The following SAMD4B variants were observed in gnomAD, a reference collection of about 807,000 sequenced individuals.
The protein encoded by SAMD4B is sterile alpha motif domain containing 4B.
In SAMD4B, 5 loss-of-function variants were observed where a neutral mutation model predicts 74.5. The ratio of observed to expected loss-of-function variants is 0.07; its 90% CI spans 0.04 to 0.14. The LOEUF (loss-of-function observed/expected upper bound fraction) is 0.14, where lower values mean the gene tolerates loss of function less well. SAMD4B is among the 10% of genes least tolerant of loss of function. The probability of loss-of-function intolerance (pLI) is 1.00; values close to 1 mark genes in which losing one functional copy is unlikely to be tolerated. For synonymous variants in SAMD4B, 373 were observed against 374.9 expected (o/e 1.00, Z 0.06); for missense variants, 608 against 921.8 (o/e 0.66, Z 4.41).
intron 3 of SAMD4B, among the ~76,000 whole-genome samples, chr19:39,367,669 C>T (rs575402647): frequency 2.6e-5 from 4 of 151,576 alleles, no homozygotes; most frequent in South Asian, 2.1e-4. Context: ...CCACCATGCC[C>T]GGTTAATTTT....
At chr19:39,353,026 A>G (rs1461652927) in intron 1 of SAMD4B, among the ~76,000 whole-genome samples, 1 of 152,216 alleles carries the variant, frequency 6.6e-6, no homozygotes, top group African/African-American at 2.4e-5. Flanking sequence ...TCCAGCAGCC[A>G]GGGAGCTTAT....
Position 39,356,783 on chromosome 19 carries a change from C to T in SAMD4B, c.-111C>T. ...CGTTGCCACCACGCCCAGAAACGTC[C>T]TTAAGCCCTGGCCCTCAGGGGAAAG... On this transcript the variant is annotated 5_prime_UTR_variant, in exon 3 of 14. Coordinates refer to ENST00000610417, the MANE Select transcript of SAMD4B (RefSeq NM_001384574.2). 1.1e-6 allele frequency: 1 copy of T among 927,556 alleles called. No homozygotes were observed. Among genetic ancestry groups the T allele is most frequent in the Non-Finnish European group, 1.6e-6 (1 of 630,682 alleles). 57.5% of individuals were successfully genotyped at this position (927,556 alleles called of 1,614,324 possible). A position where few individuals can be genotyped will look rare whatever the true frequency, so the allele number is the denominator to read the frequency against.
chr19:39,358,390 C>T (rs755143928), intron 3 of SAMD4B, among the ~76,000 whole-genome samples: 7 of 152,158 alleles, frequency 4.6e-5, no homozygotes, highest in Non-Finnish European at 1.0e-4. Context: ...CTGTGCCTCA[C>T]TTTCCTGCGC....
At chr19:39,371,555 G>A (rs1284039835) in intron 4 of SAMD4B, among the ~76,000 whole-genome samples, 4 of 152,152 alleles carry the variant, frequency 2.6e-5, no homozygotes, top group African/African-American at 7.2e-5. Flanking sequence ...GGTGGCTCAC[G>A]CCTGTAATCC....
At chr19:39,364,383 C>T (rs749869153) in intron 3 of SAMD4B, among the ~76,000 whole-genome samples, 8 of 152,144 alleles carry the variant, frequency 5.3e-5, no homozygotes, top group Non-Finnish European at 1.0e-4. Context: ...GGAAAACACC[C>T]GTCACTGAGC....
At chr19:39,377,452 G>A (rs1469481664) in intron 7 of SAMD4B, 33 bp from the exon 8 acceptor site, 6 of 1,509,946 alleles carry the variant, frequency 4.0e-6, no homozygotes, top group Middle Eastern at 1.8e-4. Context: ...TGTAGGGTCT[G>A]CATGTGACCC....
intron 3 of SAMD4B, among the ~76,000 whole-genome samples, chr19:39,364,511 A>G (rs1009808120): frequency 1.3e-5 from 2 of 152,250 alleles, no homozygotes; most frequent in African/African-American, 4.8e-5. Context: ...CATACTGCCC[A>G]GGCCACTGTG....
chr19:39,375,895 T>C lies in SAMD4B; in HGVS notation c.907+6T>C, dbSNP rs372112694. 24 of 1,601,892 alleles carry C rather than the reference T, an allele frequency of 1.5e-5. No homozygotes were observed. The highest frequency in any genetic ancestry group is 4.5e-5 in the East Asian group (2 of 44,764). Reference sequence around the variant, plus strand: ...GGATGGCAGTGGCATGAAAGGTACATTGGGGACAGCAGCACCAGGACCCTT... The same window carrying C: ...GGATGGCAGTGGCATGAAAGGTACACTGGGGACAGCAGCACCAGGACCCTT... On this transcript the variant is annotated splice_donor_region_variant and intron_variant, in intron 5 of 13. Coordinates refer to ENST00000610417, the MANE Select transcript of SAMD4B (RefSeq NM_001384574.2). This position sits in a 1 kb window ranked among gnomAD's most constrained non-coding sequence, Gnocchi z 4.1.
At chr19:39,364,901 A>G (rs1039214018) in intron 3 of SAMD4B, among the ~76,000 whole-genome samples, 1 of 152,148 alleles carries the variant, frequency 6.6e-6, no homozygotes, top group South Asian at 2.1e-4. Flanking sequence ...AAATCCAGGG[A>G]AGAAGAGAGA....
chr19:39,368,628 C>T (rs1402897267), intron 3 of SAMD4B, among the ~76,000 whole-genome samples: 1 of 152,130 alleles, frequency 6.6e-6, no homozygotes, highest in Non-Finnish European at 1.5e-5. Flanking sequence ...ACATGACATC[C>T]TGTTGTGATT....
At chr19:39,356,151 C>T (rs1005739903) in intron 2 of SAMD4B, among the ~76,000 whole-genome samples, 6 of 152,092 alleles carry the variant, frequency 3.9e-5, no homozygotes, top group Non-Finnish European at 7.4e-5. Context: ...GGTCACTACC[C>T]GACCATCCAT....
rs1272894440 is a variant in SAMD4B, at chr19:39,361,151, A to G, written c.196+4062A>G. On this transcript the variant is annotated intron_variant, in intron 3 of 13. Coordinates refer to ENST00000610417, the MANE Select transcript of SAMD4B (RefSeq NM_001384574.2). Reference sequence around the variant, plus strand: ...AAAGAAGACAGAGCCACAGCCAAGCATACTACTTTCTTTTGGGAGAGGCCC... The same window carrying G: ...AAAGAAGACAGAGCCACAGCCAAGCGTACTACTTTCTTTTGGGAGAGGCCC... Among the ~76,000 whole-genome samples, 16 of 152,188 alleles carry G rather than the reference A, an allele frequency of 1.1e-4. 1 individual carries two copies. The highest frequency in any genetic ancestry group is 1.0e-3 in the Admixed American group (16 of 15,280).
At chr19:39,354,506 A>G (rs1343385312) in intron 2 of SAMD4B, among the ~76,000 whole-genome samples, 1 of 152,118 alleles carries the variant, frequency 6.6e-6, no homozygotes, top group Non-Finnish European at 1.5e-5. Context: ...ATAGCTATTT[A>G]TTTATTCAAT....
chr19:39,385,931 AGAAAAGTGCT>A (rs1430794818), downstream of SAMD4B: 1 of 1,598,994 alleles, frequency 6.3e-7, no homozygotes, highest in South Asian at 1.1e-5. Flanking sequence ...ACAGACCACT[AGAAAAGTGCT>A]TTGCTGCTCA....
chr19:39,377,454 A>C (rs1433270944), intron 7 of SAMD4B, 31 bp from the exon 8 acceptor site: 1 of 1,521,430 alleles, frequency 6.6e-7, no homozygotes, highest in Non-Finnish European at 8.9e-7. Context: ...TAGGGTCTGC[A>C]TGTGACCCCA....
At chr19:39,354,605 C>CAT (rs1610929) in intron 2 of SAMD4B, among the ~76,000 whole-genome samples, 134,680 of 152,064 alleles carry the variant, frequency 0.89, 60,064 homozygotes, top group African/African-American at 0.97. Context: ...TAGAGAGAAA[C>CAT]AAATAAGATG....
chr19:39,385,336 G>T lies in SAMD4B; in HGVS notation c.*1809G>T. 2.5e-6 allele frequency: 1 copy of T among 396,110 alleles called. No homozygotes were observed. The allele number at this position is 396,110 out of a possible 1,614,324, so 24.5% of individuals were successfully genotyped here. ...CCCTCTCCCCAGCCTGTCCTGTCTT[G>T]TTCACTCTCCATCAGGGTGAGCTGA... On this transcript the variant is annotated 3_prime_UTR_variant, in exon 14 of 14. Transcript: ENST00000610417.
intron 2 of SAMD4B, among the ~76,000 whole-genome samples, chr19:39,354,451 C>A (rs982578460): frequency 2.6e-5 from 4 of 152,126 alleles, no homozygotes; most frequent in African/African-American, 9.7e-5. Flanking sequence ...TTCTTCCCCC[C>A]TAGGGCTATA....
At chr19:39,350,055 G>C (rs1196595861) in intron 1 of SAMD4B, 4 of 152,168 alleles carry the variant, frequency 2.6e-5, no homozygotes, top group Admixed American at 1.3e-4. Flanking sequence ...ATTCATATAT[G>C]TATGTTATAT....
Sources: gnomAD v4.1 joint callset for allele counts (sites outside exome capture counted in the v4.1 genomes callset) on GRCh38, gnomAD v4.1.1 for gene constraint, Gnocchi (gnomAD v3.1) non-coding constraint, MANE v1.5 for transcripts, NCBI Gene and HGNC (gene_info 2026-07-23, HGNC 2026-07-21) for gene names.